The following CCAR1 variants were observed in gnomAD, a reference collection of about 807,000 sequenced individuals.
CCAR1 encodes cell division cycle and apoptosis regulator protein 1.
A neutral mutation model predicts 163.8 loss-of-function variants in CCAR1; 78 were observed. The observed-to-expected ratio is 0.48, with a 90% CI of 0.40 to 0.57. The LOEUF is 0.57. Ranked by LOEUF, CCAR1 falls within the 20% of genes least tolerant of loss-of-function variation. The pLI, the probability that CCAR1 is intolerant of heterozygous loss-of-function variation, is 0.00. For missense variants in CCAR1, 1,019 were observed against 1,365.2 expected (o/e 0.75, Z 4.00); for synonymous variants, 443 against 460.7 (o/e 0.96, Z 0.49).
In CCAR1 at chr10:68,756,034, G is replaced by T. The variant is rs2056393993; in HGVS notation, c.1626-239G>T. 6.6e-6 allele frequency among the ~76,000 whole-genome samples: 1 copy of T among 152,130 alleles called. No homozygotes were observed. Among genetic ancestry groups the T allele is most frequent in the Admixed American group, 6.6e-5 (1 of 15,260 alleles). ...AGCTTCTTCAGGTATTCTCTAAAAT[G>T]CGGGTAGCTCTGTAATCAAACTTGA... On this transcript the variant is annotated intron_variant, in intron 13 of 24. Transcript: ENST00000265872. The surrounding 1 kb of genome is among the most constrained non-coding windows in gnomAD (Gnocchi z 5.1).
At chr10:68,758,041 G>A (rs772957496) in intron 15 of CCAR1, among the ~76,000 whole-genome samples, 24 of 152,120 alleles carry the variant, frequency 1.6e-4, no homozygotes, top group African/African-American at 5.3e-4. Context: ...GTGCCTGGCC[G>A]TAATTTGGTT....
chr10:68,782,509 A>G (rs1017197334), intron 19 of CCAR1, among the ~76,000 whole-genome samples: 4 of 152,318 alleles, frequency 2.6e-5, no homozygotes, highest in South Asian at 2.1e-4. Context: ...TAAATTTTCA[A>G]TGGAGACAAA....
At chr10:68,779,896 T>G (rs1226984177) in intron 19 of CCAR1, among the ~76,000 whole-genome samples, 1 of 152,148 alleles carries the variant, frequency 6.6e-6, no homozygotes, top group Non-Finnish European at 1.5e-5. Flanking sequence ...GGAAAAAGAT[T>G]TTTAAAGGGT....
At chr10:68,743,732 GTTTATTTATTTA>G (rs1266621611) in intron 6 of CCAR1, among the ~76,000 whole-genome samples, 11 of 9,790 alleles carry the variant, frequency 1.1e-3, no homozygotes, top group East Asian at 0.083. Flanking sequence ...TTATTTGTTT[GTTTATTTATTTA>G]TTTATTTATT....
At chr10:68,742,308 G>A (rs2056193231) in intron 5 of CCAR1, 68 bp from the exon 6 acceptor site, 1 of 1,266,546 alleles carries the variant, frequency 7.9e-7, no homozygotes, top group East Asian at 2.4e-5. Flanking sequence ...TTAGTTTTAA[G>A]TAGTCATATT....
At chr10:68,757,229 A>G (rs1010229894) in intron 14 of CCAR1, 65 bp from the exon 15 acceptor site, 2 of 889,540 alleles carry the variant, frequency 2.2e-6, no homozygotes, top group Non-Finnish European at 3.6e-6. Flanking sequence ...ACAGACTTTT[A>G]AAAATAAATT....
chr10:68,748,402 A>G (rs1220817182), intron 8 of CCAR1, among the ~76,000 whole-genome samples: 2 of 152,040 alleles, frequency 1.3e-5, no homozygotes, highest in Admixed American at 1.3e-4. Context: ...CTCTGTCTCA[A>G]AAAAAAGAGA....
chr10:68,765,629 AT>A lies in CCAR1; in HGVS notation c.2107-254del, dbSNP rs549356268. Among the ~76,000 whole-genome samples, 13 of 152,164 alleles carry A rather than the reference AT, an allele frequency of 8.5e-5. No homozygotes were observed. In the South Asian group the frequency reaches 2.3e-3, roughly 27 times the overall value. On this transcript the variant is annotated intron_variant, in intron 16 of 24. Transcript: ENST00000265872. ...AATTTATATAATCTCAATATAGATA[AT>A]TTTTCCCCCTCTTTACAAGGCAGTT... is the stretch of plus-strand genomic sequence containing the variant.
chr10:68,770,996 T>A (rs1460673003), intron 17 of CCAR1, among the ~76,000 whole-genome samples: 1 of 151,976 alleles, frequency 6.6e-6, no homozygotes, highest in Non-Finnish European at 1.5e-5. Context: ...GAGAATGGCG[T>A]GAACCCGGGA....
chr10:68,762,752 T>C lies in CCAR1; in HGVS notation c.2106+1560T>C, dbSNP rs376049917. 6.2e-4 allele frequency among the ~76,000 whole-genome samples: 95 copies of C among 152,260 alleles called. 2 individuals are homozygous for C. In the South Asian group the frequency reaches 0.02, roughly 31 times the overall value. On this transcript the variant is annotated intron_variant, in intron 16 of 24. Coordinates refer to ENST00000265872, the MANE Select transcript of CCAR1 (RefSeq NM_018237.4). ...ATGTGAAATTTTCTTTTTTAAATTT[T>C]TTATTTTTTTTAAATTTTTTTAGAA...
rs2056855463 is a variant in CCAR1, at chr10:68,791,959, T to A, written c.*693T>A. ...GGTGGTGGGTGCCTGTAATCCCAGC[T>A]ACTTGGGAGGCTGAGGCAGGAGAAT... is the stretch of plus-strand genomic sequence containing the variant. On this transcript the variant is annotated 3_prime_UTR_variant, in exon 25 of 25. Coordinates refer to ENST00000265872, the MANE Select transcript of CCAR1 (RefSeq NM_018237.4). 6.6e-6 allele frequency: 1 copy of A among 151,938 alleles called. No individual in the cohort carries two copies. Among genetic ancestry groups the A allele is most frequent in the Non-Finnish European group, 1.5e-5 (1 of 68,134 alleles). 9.4% of individuals were successfully genotyped at this position (151,938 alleles called of 1,614,324 possible).
intron 17 of CCAR1, among the ~76,000 whole-genome samples, chr10:68,767,473 T>C (rs939662174): frequency 1.3e-5 from 2 of 152,172 alleles, no homozygotes; most frequent in African/African-American, 4.8e-5. Context: ...CTCAAACTCC[T>C]GACCTCAAGT....
rs930116694 is a variant in CCAR1, at chr10:68,749,520, T to C, written c.957-4T>C. ...TTAGTAATTTTAGAAAAATTTGCTT[T>C]CAGTCGTGAGAGAGAGAGAGAAAGA... On this transcript the variant is annotated splice_region_variant and splice_polypyrimidine_tract_variant and intron_variant, in intron 9 of 24. Transcript: ENST00000265872. 1.2e-6 allele frequency: 2 copies of C among 1,604,996 alleles called. No homozygotes were observed. Among genetic ancestry groups the C allele is most frequent in the Non-Finnish European group, 8.5e-7 (1 of 1,177,004 alleles).
intron 24 of CCAR1, among the ~76,000 whole-genome samples, chr10:68,790,993 T>G (rs532710967): frequency 6.6e-6 from 1 of 152,128 alleles, no homozygotes; most frequent in Non-Finnish European, 1.5e-5. Context: ...CCACCACACC[T>G]GCCCCATTCA....
chr10:68,747,323 C>T (rs1564535957), intron 7 of CCAR1, 48 bp downstream of exon 7: 2 of 1,590,642 alleles, frequency 1.3e-6, no homozygotes, highest in African/African-American at 1.4e-5. Flanking sequence ...GTAAATGAGT[C>T]TTCTAATTCA....
intron 10 of CCAR1, among the ~76,000 whole-genome samples, chr10:68,750,135 A>T (rs2056311937): frequency 1.3e-5 from 2 of 151,916 alleles, no homozygotes; most frequent in African/African-American, 4.8e-5. Flanking sequence ...GTGTATGTGT[A>T]TGTATATACA....
intron 15 of CCAR1, among the ~76,000 whole-genome samples, chr10:68,758,546 A>G (rs200779416): frequency 0.033 from 4,207 of 129,122 alleles, 120 homozygotes; most frequent in Admixed American, 0.042. Context: ...GTGTGTGTGT[A>G]TACAGTGTAT....
rs771461294 is a variant in CCAR1, at chr10:68,761,078, C to T, written c.1992C>T (p.Ala664=). 3.7e-6 allele frequency: 6 copies of T among 1,606,852 alleles called. No homozygotes were observed. The Admixed American group carries it at 1.0e-4, about 27-fold the overall frequency. ...SSKGLKSQLI[A]RLTKQLKVEE... is the part of the protein sequence containing the mutation. ...AAGGATTAAAATCCCAGTTAATAGC[C>T]CGATTGACAAAACAGCTTAAAGTAG... The change falls in exon 16 of 25, where the codon GCC becomes GCT. Residue 664 remains alanine (A), a synonymous_variant. Transcript: ENST00000265872.
intron 8 of CCAR1, among the ~76,000 whole-genome samples, chr10:68,748,417 G>A (rs1430810138): frequency 6.7e-6 from 1 of 149,814 alleles, no homozygotes; most frequent in Non-Finnish European, 1.5e-5. Context: ...AAGAGAAAAA[G>A]ATGACAGGTA....
Sources: gnomAD v4.1 joint callset for allele counts (sites outside exome capture counted in the v4.1 genomes callset) on GRCh38, gnomAD v4.1.1 for gene constraint, Gnocchi (gnomAD v3.1) non-coding constraint, MANE v1.5 for transcripts, NCBI Gene and HGNC (gene_info 2026-07-23, HGNC 2026-07-21) for gene names.